Variants in LRRN1 observed in about 807,000 individuals in gnomAD.
The protein encoded by LRRN1 is leucine-rich repeat neuronal protein 1.
A neutral mutation model predicts 45.8 loss-of-function variants in LRRN1; 14 were observed. The observed-to-expected ratio is 0.31, with a 90% CI of 0.20 to 0.48. LRRN1 has a LOEUF of 0.48. Ranked by LOEUF, LRRN1 falls within the 20% of genes least tolerant of loss-of-function variation. The pLI, the probability that LRRN1 is intolerant of heterozygous loss-of-function variation, is 0.99. For synonymous variants in LRRN1, 359 were observed against 330.1 expected, an observed-to-expected ratio of 1.09 and a Z score of -0.95; for missense variants, 789 against 874.2, an observed-to-expected ratio of 0.90 and a Z score of 1.23.
At chr3:3,801,618 T>G (rs948295006) in intron 1 of LRRN1, among the ~76,000 whole-genome samples, 1 of 151,980 alleles carries the variant, frequency 6.6e-6, no homozygotes, top group Non-Finnish European at 1.5e-5. Context: ...AGACAAGGAG[T>G]CTTCAGTTAA....
chr3:3,828,991 C>CTTTTTTTTT (rs386395826), intron 1 of LRRN1, among the ~76,000 whole-genome samples: 1 of 140,536 alleles, frequency 7.1e-6, no homozygotes, highest in African/African-American at 2.6e-5. Context: ...TCTTTTCTTT[C>CTTTTTTTTT]TTTTTTTTTT....
At chr3:3,827,476 T>A (rs747741982) in intron 1 of LRRN1, 2 of 456,504 alleles carry the variant, frequency 4.4e-6, no homozygotes, top group Non-Finnish European at 8.8e-6. Context: ...CTACAGGCAA[T>A]GTTGGTGTTG....
chr3:3,825,046 G>A (rs979672568), intron 1 of LRRN1, among the ~76,000 whole-genome samples: 6 of 152,162 alleles, frequency 3.9e-5, no homozygotes, highest in African/African-American at 1.4e-4. Flanking sequence ...ATTCCCTAGG[G>A]CTCTTTCATA....
At chr3:3,822,171 T>A (rs1693118380) in intron 1 of LRRN1, among the ~76,000 whole-genome samples, 2 of 152,212 alleles carry the variant, frequency 1.3e-5, no homozygotes, top group Admixed American at 1.3e-4. Flanking sequence ...AGGAACATGA[T>A]GGCATTCACC....
intron 1 of LRRN1, among the ~76,000 whole-genome samples, chr3:3,814,838 T>C (rs1201613028): frequency 2.6e-5 from 4 of 152,194 alleles, no homozygotes; most frequent in Non-Finnish European, 5.9e-5. Context: ...TCCTGGTATA[T>C]TGATTTTGGA....
At position 3,819,006 on chromosome 3, in the gene LRRN1, T is replaced by G. The variant is rs370922688; in HGVS notation, c.-279+19087T>G. Among the ~76,000 whole-genome samples the G allele has an allele frequency of 3.1e-3, 467 of 152,224 alleles. 4 individuals are homozygous for G. Among genetic ancestry groups the G allele is most frequent in the African/African-American group, 0.011 (441 of 41,552 alleles). On this transcript the variant is annotated intron_variant, in intron 1 of 1. Transcript: ENST00000319331. ...TTAATTAACTACTTTACTTTTATTT[T>G]TTTTGAGACAAGAGTCTCACTCTTT...
At chr3:3,834,631 TTAAG>T (rs1304383200) in intron 1 of LRRN1, among the ~76,000 whole-genome samples, 4 of 145,478 alleles carry the variant, frequency 2.7e-5, no homozygotes, top group Non-Finnish European at 3.0e-5. Context: ...GGAGAGTTTA[TTAAG>T]TATTAACATG....
chr3:3,813,099 A>T (rs968229638), intron 1 of LRRN1, among the ~76,000 whole-genome samples: 1 of 152,196 alleles, frequency 6.6e-6, no homozygotes, highest in Non-Finnish European at 1.5e-5. Flanking sequence ...CTTGCTTGGC[A>T]TGCAAATGCT....
chr3:3,824,315 T>C (rs1185163701), intron 1 of LRRN1, among the ~76,000 whole-genome samples: 2 of 152,202 alleles, frequency 1.3e-5, no homozygotes, highest in Non-Finnish European at 2.9e-5. Flanking sequence ...CAACTCCAAC[T>C]CCTAATTATT....
chr3:3,845,048 A>G lies in LRRN1; in HGVS notation c.407A>G (p.Asp136Gly), dbSNP rs371104199. 2.0e-5 allele frequency: 33 copies of G among 1,614,158 alleles called. 1 individual carries two copies. In the South Asian group the frequency reaches 2.4e-4, roughly 12 times the overall value. ...LEENQITEMT[D>G]YCLQDLSNLQ... ...GAAAATCAGATTACCGAGATGACTG[A>G]TTACTGTCTACAAGACCTCAGCAAC... is the stretch of plus-strand genomic sequence containing the variant. Residue 136 changes from aspartate to glycine, a missense_variant, in exon 2 of 2, where the codon GAT (aspartate) becomes GGT (glycine). Coordinates refer to ENST00000319331, the MANE Select transcript of LRRN1 (RefSeq NM_020873.7). This position sits in a 1 kb window ranked among gnomAD's most constrained non-coding sequence, Gnocchi z 6.5.
chr3:3,834,354 C>T (rs530801496), intron 1 of LRRN1, among the ~76,000 whole-genome samples: 13 of 150,860 alleles, frequency 8.6e-5, no homozygotes, highest in Middle Eastern at 3.4e-3. Context: ...TCAGTGTTCT[C>T]CATACTATTA....
In LRRN1 at chr3:3,826,307, T is replaced by C. The variant is rs1476811636; in HGVS notation, c.-278-18057T>C. ...TTTCCATGACACCAGAGGAAAGGGC[T>C]GATGACTTCCTGAGGTTCCTTTAGG... is the stretch of plus-strand genomic sequence containing the variant. On this transcript the variant is annotated intron_variant, in intron 1 of 1. Coordinates refer to ENST00000319331, the MANE Select transcript of LRRN1 (RefSeq NM_020873.7). Among the ~76,000 whole-genome samples, 8 of 152,342 alleles carry C rather than the reference T, an allele frequency of 5.3e-5. 1 individual carries two copies. In the South Asian group the frequency reaches 1.2e-3, roughly 24 times the overall value.
At chr3:3,805,125 G>C (rs912519528) in intron 1 of LRRN1, among the ~76,000 whole-genome samples, 1 of 152,214 alleles carries the variant, frequency 6.6e-6, no homozygotes, top group Middle Eastern at 3.4e-3. Flanking sequence ...AATTTGCAGG[G>C]GGACAGTGGG....
intron 1 of LRRN1, among the ~76,000 whole-genome samples, chr3:3,824,814 G>A (rs1693182029): frequency 6.6e-6 from 1 of 152,194 alleles, no homozygotes; most frequent in Non-Finnish European, 1.5e-5. Context: ...TGTCTATCTA[G>A]AGTGCAGGAC....
rs1232015774 is a variant in LRRN1, at chr3:3,846,479, C to T, written c.1838C>T (p.Thr613Ile). 6.2e-7 allele frequency: 1 copy of T among 1,614,176 alleles called. No individual in the cohort carries two copies. Among genetic ancestry groups the T allele is most frequent in the Admixed American group, 1.7e-5 (1 of 60,026 alleles). Residue 613 changes from threonine (T) to isoleucine (I), a missense_variant, in exon 2 of 2, where the codon ACA becomes ATA. Physicochemically the swap from Thr to Ile is moderately conservative, Grantham distance 89. Coordinates refer to ENST00000319331, the MANE Select transcript of LRRN1 (RefSeq NM_020873.7). The surrounding 1 kb of genome is among the most constrained non-coding windows in gnomAD (Gnocchi z 5.7). The part of the protein sequence containing the change: ...QQTQKSCVNV[T>I]TKNAAFAVDI... ...ACTCAAAAGTCATGCGTAAATGTCACAACCAAAAATGCCGCCTTCGCAGTG... is the reference window on the plus strand; with the variant it reads ...ACTCAAAAGTCATGCGTAAATGTCATAACCAAAAATGCCGCCTTCGCAGTG...
chr3:3,831,097 T>G (rs1693363274), intron 1 of LRRN1, among the ~76,000 whole-genome samples: 1 of 152,174 alleles, frequency 6.6e-6, no homozygotes, highest in South Asian at 2.1e-4. Flanking sequence ...AGCCAGGGCT[T>G]GTTGTAGAGC....
At chr3:3,807,053 C>T (rs1410271238) in intron 1 of LRRN1, among the ~76,000 whole-genome samples, 1 of 152,194 alleles carries the variant, frequency 6.6e-6, no homozygotes, top group Non-Finnish European at 1.5e-5. Flanking sequence ...GACGGTGACT[C>T]AGCATGCTAG....
intron 1 of LRRN1, among the ~76,000 whole-genome samples, chr3:3,803,261 A>C (rs1203796364): frequency 6.6e-6 from 1 of 152,216 alleles, no homozygotes; most frequent in Non-Finnish European, 1.5e-5. Flanking sequence ...GTCTCTACGG[A>C]GTTATATTGC....
At chr3:3,838,025 G>T (rs1416402072) in intron 1 of LRRN1, among the ~76,000 whole-genome samples, 1 of 152,046 alleles carries the variant, frequency 6.6e-6, no homozygotes, top group East Asian at 1.9e-4. Flanking sequence ...TGAGGATAAT[G>T]GCTGCCAGCT....
Sources: gnomAD v4.1 joint callset for allele counts (sites outside exome capture counted in the v4.1 genomes callset) on GRCh38, gnomAD v4.1.1 for gene constraint, Gnocchi (gnomAD v3.1) non-coding constraint, MANE v1.5 for transcripts, NCBI Gene and HGNC (gene_info 2026-07-23, HGNC 2026-07-21) for gene names.